Variants in SCAPER observed in about 807,000 individuals in gnomAD.
SCAPER encodes the protein S-phase cyclin A associated protein in the ER.
In SCAPER, 98 loss-of-function variants were observed where a neutral mutation model predicts 182.2. That is an observed-to-expected ratio of 0.54 (90% CI 0.46 to 0.64). SCAPER has a LOEUF of 0.64. SCAPER is among the 30% of genes least tolerant of loss of function. SCAPER has a pLI of 0.00. For missense variants in SCAPER, 1,432 were observed against 1,690.0 expected, an observed-to-expected ratio of 0.85 and a Z score of 2.68; for synonymous variants, 605 against 564.6, an observed-to-expected ratio of 1.07 and a Z score of -1.01.
At chr15:76,733,173 GA>G in intron 16 of SCAPER, 55 bp downstream of exon 16, 1 of 1,510,926 alleles carries the variant, frequency 6.6e-7, no homozygotes, top group Non-Finnish European at 9.0e-7. Flanking sequence ...TGCGGGGCTG[GA>G]CCCTACAAAT....
intron 5 of SCAPER, among the ~76,000 whole-genome samples, chr15:76,811,795 T>C (rs1372686810): frequency 2.3e-5 from 3 of 132,898 alleles, no homozygotes; most frequent in African/African-American, 8.4e-5. Flanking sequence ...CCTCAAAAAA[T>C]AAAAAATAAA....
intron 22 of SCAPER, among the ~76,000 whole-genome samples, chr15:76,604,381 T>A (rs1251341661): frequency 8.3e-6 from 1 of 120,514 alleles, no homozygotes; most frequent in Non-Finnish European, 2.0e-5. Flanking sequence ...TCCATTGGTC[T>A]ATATCTCTGT....
chr15:76,777,088 C>T (rs1339482085), intron 8 of SCAPER, among the ~76,000 whole-genome samples: 1 of 152,060 alleles, frequency 6.6e-6, no homozygotes, highest in East Asian at 1.9e-4. Context: ...AATTAAACCT[C>T]TGAAAACTAA....
intron 1 of SCAPER, among the ~76,000 whole-genome samples, chr15:76,897,509 C>A (rs1043420251): frequency 1.3e-5 from 2 of 152,104 alleles, no homozygotes; most frequent in African/African-American, 4.8e-5. Flanking sequence ...GGTTCAAGAC[C>A]AGCCTGGACA....
chr15:76,636,984 T>A (rs115464953), intron 21 of SCAPER, among the ~76,000 whole-genome samples: 5,017 of 151,282 alleles, frequency 0.033, 243 homozygotes, highest in Admixed American at 0.11. Flanking sequence ...CATTTTATTT[T>A]AAAAAAAAAC....
chr15:76,587,643 G>A (rs187044791), intron 22 of SCAPER, among the ~76,000 whole-genome samples: 3 of 152,272 alleles, frequency 2.0e-5, no homozygotes, highest in Admixed American at 1.3e-4. Context: ...TGGTCTGACA[G>A]AGTACATGAT....
chr15:76,421,196 ACT>A (rs2046012025), intron 26 of SCAPER, among the ~76,000 whole-genome samples: 1 of 152,218 alleles, frequency 6.6e-6, no homozygotes, highest in African/African-American at 2.4e-5. Context: ...GAATTGCCAC[ACT>A]GTCTTCCACA....
At chr15:76,563,153 C>T (rs902507241) in intron 23 of SCAPER, among the ~76,000 whole-genome samples, 1 of 152,104 alleles carries the variant, frequency 6.6e-6, no homozygotes, top group Middle Eastern at 3.4e-3. Context: ...TAAACAGGAG[C>T]GGACAAAAGG....
At position 76,766,915 on chromosome 15, in the gene SCAPER, C is replaced by A; in HGVS notation, c.1419+3G>T. ...AGTTATGTTAAAAAGTCTAAAAGCT[C>A]ACAGAAAAATCACTGTCGTTGTCAG... is the stretch of plus-strand genomic sequence containing the variant. On this transcript the variant is annotated splice_donor_region_variant and intron_variant, in intron 11 of 31. Coordinates refer to ENST00000563290, the MANE Select transcript of SCAPER (RefSeq NM_020843.4). 6.3e-7 allele frequency: 1 copy of A among 1,583,766 alleles called. No homozygotes were observed. Among genetic ancestry groups the A allele is most frequent in the South Asian group, 1.2e-5 (1 of 84,880 alleles).
At chr15:76,836,566 A>G (rs1282141852) in intron 5 of SCAPER, among the ~76,000 whole-genome samples, 3 of 152,164 alleles carry the variant, frequency 2.0e-5, no homozygotes, top group Non-Finnish European at 2.9e-5. Context: ...AAATCAACTC[A>G]AAATGGATTT....
At position 76,604,184 on chromosome 15, in the gene SCAPER, C is replaced by T. The variant is rs1315386974; in HGVS notation, c.2711+17580G>A. ...TCTAACCTTTAAGTCTTTAATCCAT[C>T]TTGAATTAATTTTTGTATAAGGTGT... On this transcript the variant is annotated intron_variant, in intron 22 of 31. Transcript: ENST00000563290. Among the ~76,000 whole-genome samples, 2 of 120,686 alleles carry T rather than the reference C, an allele frequency of 1.7e-5. 1 individual carries two copies. The highest frequency in any genetic ancestry group is 4.0e-5 in the Non-Finnish European group (2 of 49,814). 79.2% of individuals were successfully genotyped at this position (120,686 alleles called of 152,430 possible).
intron 17 of SCAPER, 55 bp from the exon 18 acceptor site, chr15:76,706,039 T>A (rs758071786): frequency 3.7e-6 from 5 of 1,360,228 alleles, no homozygotes; most frequent in Middle Eastern, 3.6e-4. Context: ...ACAAATCTCA[T>A]GAGACTCAAA....
chr15:76,606,137 T>G, intron 22 of SCAPER, among the ~76,000 whole-genome samples: 1 of 152,224 alleles, frequency 6.6e-6, no homozygotes, highest in East Asian at 1.9e-4. Context: ...AGATCTTTCC[T>G]GCTTTCTCTT....
chr15:76,813,570 T>C (rs1260393763), intron 5 of SCAPER, among the ~76,000 whole-genome samples: 1 of 152,008 alleles, frequency 6.6e-6, no homozygotes. Context: ...GCTACAGGTG[T>C]CACATACACA....
chr15:76,813,249 A>AAAAAAAAAAAAAAAAAAAC (rs2066805442), intron 5 of SCAPER, among the ~76,000 whole-genome samples: 2 of 60,188 alleles, frequency 3.3e-5, no homozygotes, highest in Non-Finnish European at 9.3e-5. Flanking sequence ...AAAAAAAAAA[A>AAAAAAAAAAAAAAAAAAAC]AAAAAACAAC....
chr15:76,886,653 A>G (rs994055146), intron 1 of SCAPER, among the ~76,000 whole-genome samples: 1 of 152,216 alleles, frequency 6.6e-6, no homozygotes, highest in Non-Finnish European at 1.5e-5. Flanking sequence ...ATTACTGGGT[A>G]TATACCCAAG....
chr15:76,836,006 CA>C lies in SCAPER; in HGVS notation c.393+5727del, dbSNP rs58707655. Among the ~76,000 whole-genome samples, 13 of 142,698 alleles carry C rather than the reference CA, an allele frequency of 9.1e-5. No homozygotes were observed. The East Asian group carries it at 2.7e-3, about 30-fold the overall frequency. 93.6% of individuals were successfully genotyped at this position (142,698 alleles called of 152,430 possible). A position where few individuals can be genotyped will look rare whatever the true frequency, so the allele number is the denominator to read the frequency against. On this transcript the variant is annotated intron_variant, in intron 5 of 31. Transcript: ENST00000563290. ...TGAAAGACCCCTACAATGAGAATTACAAAACAATGATGAAAGAAATCAGAGA... is the reference window on the plus strand; with the variant it reads ...TGAAAGACCCCTACAATGAGAATTACAAACAATGATGAAAGAAATCAGAGA...
chr15:76,435,019 T>A (rs1240946393), intron 25 of SCAPER, among the ~76,000 whole-genome samples: 1 of 152,236 alleles, frequency 6.6e-6, no homozygotes, highest in African/African-American at 2.4e-5. Flanking sequence ...ACTTACTTGG[T>A]GACAACCAGC....
chr15:76,359,444 A>G (rs2041243702), intron 29 of SCAPER, among the ~76,000 whole-genome samples: 1 of 152,254 alleles, frequency 6.6e-6, no homozygotes, highest in Non-Finnish European at 1.5e-5. Context: ...AGCTCTGAAA[A>G]GAAAATCCAG....
Sources: gnomAD v4.1 joint callset for allele counts (sites outside exome capture counted in the v4.1 genomes callset) on GRCh38, gnomAD v4.1.1 for gene constraint, MANE v1.5 for transcripts, NCBI Gene and HGNC (gene_info 2026-07-23, HGNC 2026-07-21) for gene names.